VAT1L: variants seen among roughly 807,000 people sequenced by gnomAD.
VAT1L encodes the protein vesicle amine transport 1 like.
VAT1L carries 34 observed loss-of-function variants against 44.1 expected under a neutral mutation model. That is an observed-to-expected ratio of 0.77 (90% CI 0.59 to 1.03). The LOEUF (loss-of-function observed/expected upper bound fraction) is 1.03. Among genes scored for constraint, VAT1L ranks in the 50% least tolerant of loss-of-function variants. VAT1L has a pLI of 0.00. For missense variants in VAT1L, 615 were observed against 538.8 expected (o/e 1.14, Z -1.40); for synonymous variants, 253 against 202.2 (o/e 1.25, Z -2.13).
chr16:77,937,937 T>C (rs1298098849), intron 7 of VAT1L, among the ~76,000 whole-genome samples: 1 of 152,236 alleles, frequency 6.6e-6, no homozygotes, highest in Non-Finnish European at 1.5e-5. Flanking sequence ...TGAAAGAATA[T>C]GCTAAGTCAC....
At chr16:77,908,598 G>A (rs17704486) in intron 7 of VAT1L, among the ~76,000 whole-genome samples, 2 of 151,386 alleles carry the variant, frequency 1.3e-5, no homozygotes, top group African/African-American at 4.8e-5. Flanking sequence ...TTGTAGGATC[G>A]CCATGACCTG....
chr16:77,900,803 C>G (rs1235920694), intron 7 of VAT1L, among the ~76,000 whole-genome samples: 1 of 152,074 alleles, frequency 6.6e-6, no homozygotes, highest in Non-Finnish European at 1.5e-5. Flanking sequence ...CCTGGCTTTA[C>G]TCCCATACAT....
In VAT1L at chr16:77,920,752, A is replaced by G. The variant is rs551255608; in HGVS notation, c.1077+35950A>G. 2.0e-5 allele frequency among the ~76,000 whole-genome samples: 3 copies of G among 152,296 alleles called. No homozygotes were observed. In the East Asian group the frequency reaches 5.8e-4, roughly 29 times the overall value. ...AATTGCTTACAGTATTCAGTCCAGT[A>G]ACATGCTGTACAGATTTGTAGTCTA... On this transcript the variant is annotated intron_variant, in intron 7 of 8. Coordinates refer to ENST00000302536, the MANE Select transcript of VAT1L (RefSeq NM_020927.3).
intron 7 of VAT1L, among the ~76,000 whole-genome samples, chr16:77,924,035 G>A (rs925440785): frequency 6.6e-6 from 1 of 151,738 alleles, no homozygotes; most frequent in Non-Finnish European, 1.5e-5. Flanking sequence ...ATCCCCACTG[G>A]TTCTTACCAG....
chr16:77,891,799 G>A (rs1382642303), intron 7 of VAT1L, among the ~76,000 whole-genome samples: 1 of 152,154 alleles, frequency 6.6e-6, no homozygotes, highest in African/African-American at 2.4e-5. Context: ...TAGGCCGGGC[G>A]CGGTGGCTCA....
intron 6 of VAT1L, among the ~76,000 whole-genome samples, chr16:77,883,210 T>C (rs1048427925): frequency 3.9e-5 from 6 of 152,212 alleles, no homozygotes; most frequent in Admixed American, 6.5e-5. Flanking sequence ...ACATTCCTCT[T>C]TGCATCCTGT....
intron 8 of VAT1L, among the ~76,000 whole-genome samples, chr16:77,976,192 G>A (rs528803998): frequency 2.4e-4 from 36 of 152,302 alleles, no homozygotes; most frequent in South Asian, 1.4e-3. Context: ...GGTGTCTACC[G>A]TTTGGCAGGG....
chr16:77,909,600 G>C (rs1263627197), intron 7 of VAT1L, among the ~76,000 whole-genome samples: 1 of 135,724 alleles, frequency 7.4e-6, no homozygotes, highest in Non-Finnish European at 1.5e-5. Flanking sequence ...TCGCAACACC[G>C]CACTCCAGCC....
Position 77,897,576 on chromosome 16 carries a change from T to C in VAT1L, c.1077+12774T>C, listed in dbSNP as rs761301958. On this transcript the variant is annotated intron_variant, in intron 7 of 8. Transcript: ENST00000302536. Reference sequence around the variant, plus strand: ...ACCTCTGCCTCCCAGGTTCAAGCAATGATCCTGCCTCAGCCTCCTGAGTAG... The same window carrying C: ...ACCTCTGCCTCCCAGGTTCAAGCAACGATCCTGCCTCAGCCTCCTGAGTAG... Among the ~76,000 whole-genome samples the C allele has an allele frequency of 8.9e-4, 135 of 152,316 alleles. 1 individual carries two copies. Among genetic ancestry groups the C allele is most frequent in the Middle Eastern group, 6.8e-3 (2 of 294 alleles).
intron 7 of VAT1L, among the ~76,000 whole-genome samples, chr16:77,897,161 C>T (rs983925517): frequency 6.6e-6 from 1 of 152,148 alleles, no homozygotes; most frequent in Admixed American, 6.5e-5. Flanking sequence ...TTGGGACGTA[C>T]ATTTAAATCA....
chr16:77,880,592 T>TTTTC (rs2017141909), intron 6 of VAT1L, among the ~76,000 whole-genome samples: 1 of 3,942 alleles, frequency 2.5e-4, no homozygotes, highest in Non-Finnish European at 6.0e-4. Context: ...TTCCAGGGTA[T>TTTTC]TTTTTTTTTT....
At chr16:77,827,037 C>G (rs1346166178) in intron 3 of VAT1L, among the ~76,000 whole-genome samples, 1 of 152,154 alleles carries the variant, frequency 6.6e-6, no homozygotes, top group Non-Finnish European at 1.5e-5. Flanking sequence ...AAGCTCACAT[C>G]CAGAACCATG....
At chr16:77,843,785 C>G (rs2016731129) in intron 3 of VAT1L, among the ~76,000 whole-genome samples, 1 of 152,336 alleles carries the variant, frequency 6.6e-6, no homozygotes, top group East Asian at 1.9e-4. Flanking sequence ...TTGCATACAA[C>G]CTATGCTCAC....
intron 7 of VAT1L, among the ~76,000 whole-genome samples, chr16:77,909,137 GTTA>G (rs1271286033): frequency 6.6e-6 from 1 of 152,176 alleles, no homozygotes; most frequent in Admixed American, 6.5e-5. Context: ...AGAAGTAGAT[GTTA>G]TTATTTATCC....
intron 7 of VAT1L, among the ~76,000 whole-genome samples, chr16:77,931,547 T>C (rs1015727222): frequency 2.6e-5 from 4 of 152,258 alleles, no homozygotes; most frequent in Admixed American, 6.5e-5. Flanking sequence ...TCACCAGTTA[T>C]ATGAGACGTC....
intron 4 of VAT1L, among the ~76,000 whole-genome samples, chr16:77,870,262 C>T (rs937535716): frequency 3.9e-5 from 6 of 152,074 alleles, no homozygotes; most frequent in Admixed American, 3.9e-4. Flanking sequence ...TGCTTGGCAC[C>T]CTGTGCAAAG....
At chr16:77,910,673 C>CAAAAAAAAA (rs3038773) in intron 7 of VAT1L, among the ~76,000 whole-genome samples, 25 of 82,926 alleles carry the variant, frequency 3.0e-4, no homozygotes, top group East Asian at 7.2e-4. Flanking sequence ...GACTCCTTCT[C>CAAAAAAAAA]AAAAAAAAAA....
intron 2 of VAT1L, among the ~76,000 whole-genome samples, chr16:77,822,006 C>A (rs1441014461): frequency 6.6e-6 from 1 of 152,192 alleles, no homozygotes; most frequent in African/African-American, 2.4e-5. Context: ...TTCCAGCATG[C>A]CCATAAGGGA....
In VAT1L at chr16:77,921,953, G is replaced by T. The variant is rs372964502; in HGVS notation, c.1077+37151G>T. On this transcript the variant is annotated intron_variant, in intron 7 of 8. Transcript: ENST00000302536. ...TATGGTGACAGGGTCTCACTATGTT[G>T]CCCAGGCTGGTCTTGAAGCCCTGGG... Among the ~76,000 whole-genome samples, 21 of 152,040 alleles carry T rather than the reference G, an allele frequency of 1.4e-4. No individual in the cohort carries two copies. In the East Asian group the frequency reaches 3.1e-3, roughly 22 times the overall value.
Sources: gnomAD v4.1 joint callset for allele counts (sites outside exome capture counted in the v4.1 genomes callset) on GRCh38, gnomAD v4.1.1 for gene constraint, MANE v1.5 for transcripts, NCBI Gene and HGNC (gene_info 2026-07-23, HGNC 2026-07-21) for gene names.